ZNF14: variants seen among roughly 807,000 people sequenced by gnomAD.
ZNF14 encodes zinc finger protein 14.
In ZNF14, 9 loss-of-function variants were observed where a neutral mutation model predicts 11.3. The observed-to-expected ratio is 0.80, with a 90% confidence interval of 0.48 to 1.39. The LOEUF (loss-of-function observed/expected upper bound fraction) is 1.39, where lower values mean the gene tolerates loss of function less well. Among genes scored for constraint, ZNF14 ranks in the 40% most tolerant of loss-of-function variants. ZNF14 has a pLI of 0.00. For synonymous variants in ZNF14, 239 were observed against 245.7 expected (o/e 0.97, Z 0.25); for missense variants, 711 against 763.9 (o/e 0.93, Z 0.82).
In ZNF14 at chr19:19,714,413, T is replaced by C. The variant is rs751808875; in HGVS notation, c.78A>G (p.Lys26=). The change falls in exon 2 of 4, where the codon AAA becomes AAG. Residue 26 remains lysine (K), a synonymous_variant. Transcript: ENST00000344099. ...EEWALLDSSQ[K]KLYEDVMQET... ...CCTGCATCACATCTTCATAGAGCTT[T>C]TTCTGTGAAGAATCCAGCAAAGCCC... The C allele has an allele frequency of 2.8e-5, 45 of 1,614,168 alleles. No homozygotes were observed. The highest frequency in any genetic ancestry group is 3.7e-5 in the Non-Finnish European group (44 of 1,180,022).
At position 19,711,453 on chromosome 19, in the gene ZNF14, T is replaced by C. The variant is rs1360911623; in HGVS notation, c.1828A>G (p.Thr610Ala). ...SSVRIHERSH[T>A]GEKPYECKQC... ...TTGCATTCATAAGGTTTCTCTCCAG[T>C]GTGAGACCTTTCATGAATTCGAACA... The change falls in exon 4 of 4, where the codon ACT becomes GCT. Residue 610 changes from threonine to alanine, a missense_variant. Thr to Ala is a moderately conservative substitution (Grantham distance 58, BLOSUM62 0). Transcript: ENST00000344099. 2 of 1,613,842 alleles carry C rather than the reference T, an allele frequency of 1.2e-6. No homozygotes were observed. Among genetic ancestry groups the C allele is most frequent in the Non-Finnish European group, 1.7e-6 (2 of 1,179,906 alleles).
At chr19:19,714,204 T>C (rs373367658) in intron 2 of ZNF14, 53 bp from the exon 3 acceptor site, 165 of 1,596,432 alleles carry the variant, frequency 1.0e-4, no homozygotes, top group Non-Finnish European at 1.3e-4. Flanking sequence ...TTATAGAAAA[T>C]TGTTACAGTC....
intron 1 of ZNF14, among the ~76,000 whole-genome samples, chr19:19,717,113 T>A (rs913502895): frequency 1.3e-5 from 2 of 152,204 alleles, no homozygotes; most frequent in Non-Finnish European, 2.9e-5. Flanking sequence ...CCCACAAGAC[T>A]GCCCCCATGT....
intron 1 of ZNF14, among the ~76,000 whole-genome samples, chr19:19,723,298 T>C (rs2062398134): frequency 6.6e-6 from 1 of 152,210 alleles, no homozygotes; most frequent in Admixed American, 6.5e-5. Flanking sequence ...GGAAGGGCTG[T>C]TGAATTTTGT....
chr19:19,732,669 C>G (rs562959843), intron 1 of ZNF14, among the ~76,000 whole-genome samples: 30 of 152,366 alleles, frequency 2.0e-4, no homozygotes, highest in African/African-American at 6.5e-4. Context: ...TCCCCAGGAC[C>G]CTCCCGCTGT....
rs3207975 is a variant in ZNF14 at position 19,711,016 on chromosome 19, T to C, written c.*336A>G. On this transcript the variant is annotated 3_prime_UTR_variant, in exon 4 of 4. Transcript: ENST00000344099. ...AATTTCTGACCTCAAATGATCTGCC[T>C]GCCTTGCACCTTGGCCTCCCAAAGT... 107,298 of 205,860 alleles carry C rather than the reference T, an allele frequency of 0.52. 28,889 individuals carry two copies. Among genetic ancestry groups the C allele is most frequent in the Non-Finnish European group, 0.58 (59,438 of 102,186 alleles). The allele number at this position is 205,860 out of a possible 1,614,324, so 12.8% of individuals were successfully genotyped here.
In ZNF14 at chr19:19,726,962, C is replaced by T. The variant is rs1023394492; in HGVS notation, c.3+5994G>A. On this transcript the variant is annotated intron_variant, in intron 1 of 3. Transcript: ENST00000344099. Reference sequence around the variant, plus strand: ...GTGCAGTATTAGGGTGGAAGTGTCCCGATTTTCCAGATACCATCTTTCACG... The same window carrying T: ...GTGCAGTATTAGGGTGGAAGTGTCCTGATTTTCCAGATACCATCTTTCACG... Among the ~76,000 whole-genome samples the T allele has an allele frequency of 1.3e-4, 18 of 133,634 alleles. 5 individuals are homozygous for T. Among genetic ancestry groups the T allele is most frequent in the Admixed American group, 8.8e-4 (12 of 13,588 alleles). The allele number at this position is 133,634 out of a possible 152,430, so 87.7% of individuals were successfully genotyped here.
intron 1 of ZNF14, among the ~76,000 whole-genome samples, chr19:19,730,161 T>C (rs2062419105): frequency 6.6e-6 from 1 of 152,100 alleles, no homozygotes; most frequent in African/African-American, 2.4e-5. Flanking sequence ...GTAGCTGAGA[T>C]TACAGGTGTG....
chr19:19,729,376 C>T (rs1315380660), intron 1 of ZNF14, among the ~76,000 whole-genome samples: 4 of 150,786 alleles, frequency 2.7e-5, no homozygotes, highest in African/African-American at 4.9e-5. Context: ...AGTGCAATGG[C>T]GCAATCTCAG....
intron 1 of ZNF14, among the ~76,000 whole-genome samples, chr19:19,723,385 T>A (rs1309140539): frequency 1.3e-5 from 2 of 152,146 alleles, no homozygotes; most frequent in Non-Finnish European, 2.9e-5. Flanking sequence ...GGATTACATT[T>A]ATTGATTTGT....
chr19:19,723,175 T>A (rs908763454), intron 1 of ZNF14, among the ~76,000 whole-genome samples: 1 of 151,932 alleles, frequency 6.6e-6, no homozygotes, highest in Non-Finnish European at 1.5e-5. Flanking sequence ...AGGGAATGCT[T>A]CCAGTTTATG....
At chr19:19,716,569 G>T (rs2062378505) in intron 1 of ZNF14, among the ~76,000 whole-genome samples, 1 of 152,118 alleles carries the variant, frequency 6.6e-6, no homozygotes, top group Admixed American at 6.6e-5. Flanking sequence ...GATTATAGGT[G>T]TGAGTCCCCA....
chr19:19,719,285 G>A (rs1004246289), intron 1 of ZNF14, among the ~76,000 whole-genome samples: 1 of 152,110 alleles, frequency 6.6e-6, no homozygotes, highest in East Asian at 1.9e-4. Flanking sequence ...AAAGAAAAAC[G>A]ATAAAGAAGG....
intron 1 of ZNF14, among the ~76,000 whole-genome samples, chr19:19,718,080 C>T (rs1034583995): frequency 3.9e-5 from 6 of 152,148 alleles, no homozygotes; most frequent in African/African-American, 1.4e-4. Flanking sequence ...TTTCCCAGTA[C>T]ATCTTGTCGA....
intron 1 of ZNF14, among the ~76,000 whole-genome samples, chr19:19,731,714 T>C (rs1434924968): frequency 6.6e-6 from 1 of 152,084 alleles, no homozygotes; most frequent in Admixed American, 6.6e-5. Context: ...AACATACACT[T>C]ACAATCAGAA....
chr19:19,714,124 T>G lies in ZNF14; in HGVS notation c.158A>C (p.Glu53Ala), dbSNP rs866452494. The change falls in exon 3 of 4, where the codon GAA (glutamate) becomes GCA (alanine). Residue 53 changes from glutamate to alanine, a missense_variant. Glu to Ala is a moderately radical substitution (Grantham distance 107). Coordinates refer to ENST00000344099, the MANE Select transcript of ZNF14 (RefSeq NM_021030.3). ...LGKKWEDQDI[E>A]DDHRNQGKNR... ...TTTCCCCTGGTTTCTGTGGTCATCTTCAATGTCCTGGTCTTCCCACTTTTT... is the reference window on the plus strand; with the variant it reads ...TTTCCCCTGGTTTCTGTGGTCATCTGCAATGTCCTGGTCTTCCCACTTTTT... The G allele has an allele frequency of 4.3e-6, 7 of 1,613,524 alleles. No homozygotes were observed. The Middle Eastern group carries it at 6.6e-4, about 152-fold the overall frequency.
chr19:19,717,816 A>G (rs2062381930), intron 1 of ZNF14, among the ~76,000 whole-genome samples: 1 of 152,134 alleles, frequency 6.6e-6, no homozygotes, highest in Admixed American at 6.5e-5. Context: ...CCTTACCACT[A>G]TTGTCATTAG....
intron 1 of ZNF14, among the ~76,000 whole-genome samples, chr19:19,718,045 C>G (rs1431607886): frequency 6.6e-6 from 1 of 152,190 alleles, no homozygotes; most frequent in Non-Finnish European, 1.5e-5. Context: ...ACCTCACACT[C>G]AAGGCCTATT....
rs900451028 is a variant in ZNF14 at position 19,714,435 on chromosome 19, G to C, written c.56C>G (p.Ala19Gly). Residue 19 changes from alanine to glycine, a missense_variant, in exon 2 of 4, where the codon GCT becomes GGT. Physicochemically the swap from Ala to Gly is moderately conservative, Grantham distance 60. Coordinates refer to ENST00000344099, the MANE Select transcript of ZNF14 (RefSeq NM_021030.3). ...VAVNFTLEEW[A>G]LLDSSQKKLY... The stretch of plus-strand genomic sequence containing the variant: ...CTTTTTCTGTGAAGAATCCAGCAAA[G>C]CCCACTCCTCCAGGGTGAAGTTCAC... 4 of 1,613,982 alleles carry C rather than the reference G, an allele frequency of 2.5e-6. No homozygotes were observed. In the African/African-American group the frequency reaches 5.3e-5, roughly 22 times the overall value.
Sources: gnomAD v4.1 joint callset for allele counts (sites outside exome capture counted in the v4.1 genomes callset) on GRCh38, gnomAD v4.1.1 for gene constraint, MANE v1.5 for transcripts, NCBI Gene and HGNC (gene_info 2026-07-23, HGNC 2026-07-21) for gene names.